The following BACE2 variants were observed in gnomAD, a reference collection of about 807,000 sequenced individuals.
BACE2 encodes beta-secretase 2.
Under a neutral mutation model 46.2 loss-of-function variants are expected in BACE2, and 17 were observed. The ratio of observed to expected loss-of-function variants is 0.37; its 90% CI spans 0.25 to 0.55. The LOEUF (loss-of-function observed/expected upper bound fraction) is 0.55. Among genes scored for constraint, BACE2 ranks in the 20% least tolerant of loss-of-function variants. The pLI is 0.82. For synonymous variants in BACE2, 277 were observed against 295.9 expected, an observed-to-expected ratio of 0.94 and a Z score of 0.66; for missense variants, 595 against 698.1, an observed-to-expected ratio of 0.85 and a Z score of 1.66.
intron 1 of BACE2, chr21:41,184,705 C>G (rs185614148): frequency 6.0e-6 from 1 of 166,916 alleles, no homozygotes; most frequent in African/African-American, 2.4e-5. Context: ...AGGGAATTGG[C>G]GAGAACCCCC....
intron 7 of BACE2, among the ~76,000 whole-genome samples, chr21:41,254,908 C>T (rs1197626352): frequency 1.3e-5 from 2 of 152,230 alleles, no homozygotes; most frequent in African/African-American, 4.8e-5. Flanking sequence ...CCGAGGGGCG[C>T]ATGATGAGCT....
intron 1 of BACE2, among the ~76,000 whole-genome samples, chr21:41,225,906 GC>G (rs1466136944): frequency 2.0e-5 from 3 of 152,124 alleles, no homozygotes. Context: ...GGGAGGGTGA[GC>G]CCAGTGGAGG....
intron 2 of BACE2, among the ~76,000 whole-genome samples, chr21:41,226,884 G>GT (rs1986835273): frequency 6.6e-6 from 1 of 152,222 alleles, no homozygotes; most frequent in South Asian, 2.1e-4. Flanking sequence ...AGTGAGTTTT[G>GT]TGAGCACAAA....
chr21:41,261,214 A>G (rs1987927479), intron 8 of BACE2, among the ~76,000 whole-genome samples: 2 of 152,322 alleles, frequency 1.3e-5, no homozygotes, highest in South Asian at 4.1e-4. Context: ...CTACAGTCAA[A>G]TTTGTCTTTA....
chr21:41,205,851 C>G (rs73364465), intron 1 of BACE2, among the ~76,000 whole-genome samples: 5,044 of 152,234 alleles, frequency 0.033, 136 homozygotes, highest in African/African-American at 0.069. Flanking sequence ...AACACTGTAT[C>G]TTCTTCATCT....
At chr21:41,217,089 G>A (rs537136269) in intron 1 of BACE2, among the ~76,000 whole-genome samples, 1 of 152,196 alleles carries the variant, frequency 6.6e-6, no homozygotes, top group East Asian at 1.9e-4. Flanking sequence ...GTGCCACCAC[G>A]CCAGGCTAAT....
At chr21:41,171,113 C>G (rs907146741) in intron 1 of BACE2, among the ~76,000 whole-genome samples, 22 of 152,202 alleles carry the variant, frequency 1.4e-4, no homozygotes, top group African/African-American at 5.3e-4. Flanking sequence ...GTTTTGGCCT[C>G]AAACTACCCT....
At chr21:41,217,343 C>G (rs183241789) in intron 1 of BACE2, among the ~76,000 whole-genome samples, 2 of 152,340 alleles carry the variant, frequency 1.3e-5, no homozygotes, top group Admixed American at 1.3e-4. Context: ...AACATCCACA[C>G]TGTCCTCTTC....
intron 1 of BACE2, among the ~76,000 whole-genome samples, chr21:41,171,436 G>A (rs1984605756): frequency 6.6e-6 from 1 of 152,212 alleles, no homozygotes; most frequent in Admixed American, 6.5e-5. Context: ...GACTCTGTGA[G>A]GAGTCACAGG....
In BACE2 at chr21:41,193,116, C is replaced by G. The variant is rs1192969299; in HGVS notation, c.312+24541C>G. ...TCAAACTAATGGACCAGTGTGATAT[C>G]TCGTGGAAACGAAAAGCGATCAAGG... On this transcript the variant is annotated intron_variant, in intron 1 of 8. Coordinates refer to ENST00000330333, the MANE Select transcript of BACE2 (RefSeq NM_012105.5). The surrounding 1 kb of genome is among the most constrained non-coding windows in gnomAD (Gnocchi z 4.2). 1.3e-5 allele frequency among the ~76,000 whole-genome samples: 2 copies of G among 152,190 alleles called. No individual in the cohort carries two copies. The highest frequency in any genetic ancestry group is 4.8e-5 in the African/African-American group (2 of 41,452).
At chr21:41,171,562 G>A (rs1028187765) in intron 1 of BACE2, among the ~76,000 whole-genome samples, 3 of 152,222 alleles carry the variant, frequency 2.0e-5, no homozygotes, top group East Asian at 1.9e-4. Flanking sequence ...GGGTTCTTTC[G>A]AACTGTAGAA....
chr21:41,216,645 T>G (rs1986478189), intron 1 of BACE2, among the ~76,000 whole-genome samples: 1 of 152,128 alleles, frequency 6.6e-6, no homozygotes, highest in Non-Finnish European at 1.5e-5. Context: ...GCGGTGGAGC[T>G]TCAGAGGGAG....
chr21:41,184,111 T>A (rs1985263003), intron 1 of BACE2: 1 of 167,094 alleles, frequency 6.0e-6, no homozygotes, highest in Non-Finnish European at 1.5e-5. Context: ...GAAGGTCCCA[T>A]TGCTGCTTTT....
At chr21:41,252,693 T>G (rs991064138) in intron 7 of BACE2, among the ~76,000 whole-genome samples, 1 of 152,108 alleles carries the variant, frequency 6.6e-6, no homozygotes. Context: ...GAACTGTTTG[T>G]GGAATGGACA....
intron 8 of BACE2, among the ~76,000 whole-genome samples, chr21:41,272,300 T>C (rs999721117): frequency 2.0e-5 from 3 of 152,146 alleles, no homozygotes; most frequent in Admixed American, 6.5e-5. Flanking sequence ...TATGTCATGT[T>C]TCTTGTGTTT....
chr21:41,174,207 A>G (rs1984720887), intron 1 of BACE2, among the ~76,000 whole-genome samples: 1 of 128,196 alleles, frequency 7.8e-6, no homozygotes, highest in Non-Finnish European at 1.5e-5. Context: ...CAGTGGCCTG[A>G]TCTTGGCTCA....
chr21:41,263,609 T>A (rs1987995017), intron 8 of BACE2, among the ~76,000 whole-genome samples: 1 of 152,228 alleles, frequency 6.6e-6, no homozygotes, highest in Non-Finnish European at 1.5e-5. Context: ...TACATGGAAT[T>A]CTAGATTGCC....
At chr21:41,215,579 G>C (rs901044363) in intron 1 of BACE2, among the ~76,000 whole-genome samples, 1 of 152,196 alleles carries the variant, frequency 6.6e-6, no homozygotes, top group Non-Finnish European at 1.5e-5. Context: ...TCCAGCTTCT[G>C]CTGGAAAACC....
chr21:41,257,184 C>G lies in BACE2; in HGVS notation c.1161C>G (p.Ala387=). ...TTTACATTCAGCCCATGATGGGGGC[C>G]GGCCTGAATTATGAATGTTACCGAT... ...PQLYIQPMMG[A]GLNYECYRFG... Residue 387 remains alanine, a synonymous_variant, in exon 8 of 9, where the codon GCC becomes GCG. Coordinates refer to ENST00000330333, the MANE Select transcript of BACE2 (RefSeq NM_012105.5). 6.2e-7 allele frequency: 1 copy of G among 1,614,134 alleles called. No individual in the cohort carries two copies. The highest frequency in any genetic ancestry group is 1.1e-5 in the South Asian group (1 of 91,076).
Sources: allele counts gnomAD v4.1 joint callset (sites outside exome capture counted in the v4.1 genomes callset), GRCh38; gene constraint gnomAD v4.1.1; non-coding constraint Gnocchi (gnomAD v3.1); transcripts MANE v1.5; gene names NCBI Gene and HGNC (gene_info 2026-07-23, HGNC 2026-07-21).